The following SUPT3H variants were observed in gnomAD, a reference collection of about 807,000 sequenced individuals.
SUPT3H encodes SPT3 homolog, SAGA and STAGA complex component.
In SUPT3H, 44 loss-of-function variants were observed where a neutral mutation model predicts 44.3. That is an observed-to-expected ratio of 0.99 (90% CI 0.78 to 1.28). The LOEUF is 1.28. Ranked by LOEUF, SUPT3H falls within the 50% of genes most tolerant of loss-of-function variation. The pLI, the probability that SUPT3H is intolerant of heterozygous loss-of-function variation, is 0.00. For synonymous variants in SUPT3H, 124 were observed against 125.6 expected (o/e 0.99, Z 0.09); for missense variants, 380 against 387.1 (o/e 0.98, Z 0.15).
chr6:45,129,048 C>A (rs537967727), intron 2 of SUPT3H, among the ~76,000 whole-genome samples: 1 of 152,180 alleles, frequency 6.6e-6, no homozygotes, highest in South Asian at 2.1e-4. Flanking sequence ...ATTAACTTGT[C>A]CAATAAGCAA....
At chr6:45,241,160 T>C (rs1287361316) in intron 2 of SUPT3H, among the ~76,000 whole-genome samples, 3 of 152,162 alleles carry the variant, frequency 2.0e-5, no homozygotes, top group African/African-American at 4.8e-5. Context: ...GCTGCCTTTG[T>C]TTTTATCACT....
intron 2 of SUPT3H, among the ~76,000 whole-genome samples, chr6:45,290,621 A>T (rs1261649134): frequency 2.0e-5 from 3 of 152,176 alleles, no homozygotes; most frequent in Admixed American, 1.3e-4. Context: ...AAATATTTTT[A>T]AAAAACTAAA....
chr6:44,828,374 A>T lies in SUPT3H; in HGVS notation c.*1442T>A, dbSNP rs995312233. ...CGTGCTTTTTGTTTCTGAAATGCAA[A>T]TTTTTTCTAAAAAGATTAACATAGA... On this transcript the variant is annotated 3_prime_UTR_variant, in exon 11 of 11. Coordinates refer to ENST00000371459, the MANE Select transcript of SUPT3H (RefSeq NM_003599.4). Among the ~76,000 whole-genome samples, 14 of 152,122 alleles carry T rather than the reference A, an allele frequency of 9.2e-5. No homozygotes were observed. Among genetic ancestry groups the T allele is most frequent in the African/African-American group, 3.1e-4 (13 of 41,434 alleles).
chr6:45,322,851 C>CAG, intron 2 of SUPT3H: 1 of 1,569,842 alleles, frequency 6.4e-7, no homozygotes, highest in Non-Finnish European at 8.8e-7. Context: ...CATCCAAAAG[C>CAG]AGTGGCACTG....
At chr6:44,963,098 A>C (rs931255260) in intron 6 of SUPT3H, among the ~76,000 whole-genome samples, 4 of 151,442 alleles carry the variant, frequency 2.6e-5, no homozygotes, top group African/African-American at 9.7e-5. Flanking sequence ...TAAATATATA[A>C]ATTATATATG....
At chr6:45,210,925 AAG>A (rs1437319164) in intron 2 of SUPT3H, among the ~76,000 whole-genome samples, 2 of 152,178 alleles carry the variant, frequency 1.3e-5, no homozygotes, top group African/African-American at 4.8e-5. Flanking sequence ...AAGAATGGAA[AAG>A]AGAAGAAAAG....
intron 11 of SUPT3H, among the ~76,000 whole-genome samples, chr6:44,816,491 T>A (rs186471763): frequency 1.3e-5 from 2 of 152,300 alleles, no homozygotes; most frequent in African/African-American, 4.8e-5. Flanking sequence ...ATATTATTCA[T>A]AGCTAAAAGC....
intron 2 of SUPT3H, among the ~76,000 whole-genome samples, chr6:45,205,485 T>C (rs1763083298): frequency 6.6e-6 from 1 of 152,044 alleles, no homozygotes; most frequent in African/African-American, 2.4e-5. Context: ...ATGCAATTCA[T>C]AGATAAGAAA....
chr6:45,128,800 C>T (rs1802954793), intron 2 of SUPT3H, among the ~76,000 whole-genome samples: 1 of 151,046 alleles, frequency 6.6e-6, no homozygotes, highest in African/African-American at 2.4e-5. Context: ...ATTCTCCTGT[C>T]TCAGCCTCCT....
intron 2 of SUPT3H, among the ~76,000 whole-genome samples, chr6:45,332,720 G>A (rs1377348362): frequency 6.6e-6 from 1 of 151,584 alleles, no homozygotes; most frequent in Non-Finnish European, 1.5e-5. Context: ...ATAAAAACAT[G>A]TGACCAAATA....
chr6:44,878,443 C>A (rs1336204444), intron 10 of SUPT3H, among the ~76,000 whole-genome samples: 1 of 151,580 alleles, frequency 6.6e-6, no homozygotes, highest in East Asian at 1.9e-4. Context: ...TGGGCTTGCA[C>A]TAAAGCCTTT....
intron 10 of SUPT3H, among the ~76,000 whole-genome samples, chr6:44,853,855 C>T (rs1177145423): frequency 6.6e-6 from 1 of 151,842 alleles, no homozygotes; most frequent in Non-Finnish European, 1.5e-5. Flanking sequence ...AGTTCTCTTC[C>T]TGATAAAAAT....
intron 10 of SUPT3H, among the ~76,000 whole-genome samples, chr6:44,886,455 C>A (rs1762310237): frequency 6.6e-6 from 1 of 152,284 alleles, no homozygotes; most frequent in South Asian, 2.1e-4. Flanking sequence ...AGAGTGGGGG[C>A]TAATATTCAA....
chr6:45,094,746 A>T (rs574271269), intron 3 of SUPT3H, among the ~76,000 whole-genome samples: 2 of 152,124 alleles, frequency 1.3e-5, no homozygotes, highest in Non-Finnish European at 2.9e-5. Flanking sequence ...AGAAAATAAG[A>T]CTAATTTAAG....
chr6:44,961,694 T>C, intron 7 of SUPT3H, 59 bp downstream of exon 7: 4 of 1,312,760 alleles, frequency 3.0e-6, no homozygotes, highest in Non-Finnish European at 4.3e-6. Context: ...CATACTTTAG[T>C]ACATCTATAA....
intron 2 of SUPT3H, among the ~76,000 whole-genome samples, chr6:45,260,224 A>G (rs1413480494): frequency 6.6e-6 from 1 of 152,212 alleles, no homozygotes; most frequent in African/African-American, 2.4e-5. Context: ...AATAAACTAC[A>G]TTCTACGCAG....
chr6:44,936,126 A>G lies in SUPT3H; in HGVS notation c.802-3363T>C, dbSNP rs187549093. The stretch of plus-strand genomic sequence containing the variant: ...CTATTACTAACATTTTGCAGACCAC[A>G]AAAGTTGATATGATCTGGCCAAGGA... On this transcript the variant is annotated intron_variant, in intron 9 of 10. Coordinates refer to ENST00000371459, the MANE Select transcript of SUPT3H (RefSeq NM_003599.4). 3.1e-3 allele frequency among the ~76,000 whole-genome samples: 470 copies of G among 152,352 alleles called. 2 individuals are homozygous for G. Among genetic ancestry groups the G allele is most frequent in the African/African-American group, 8.3e-3 (347 of 41,576 alleles).
chr6:45,059,708 CT>C (rs1562360958), intron 3 of SUPT3H, among the ~76,000 whole-genome samples: 1 of 152,012 alleles, frequency 6.6e-6, no homozygotes, highest in Non-Finnish European at 1.5e-5. Flanking sequence ...AGTTCAAAAG[CT>C]TCTTAAACTG....
chr6:45,104,147 G>A (rs979660164), intron 3 of SUPT3H, among the ~76,000 whole-genome samples: 2 of 151,996 alleles, frequency 1.3e-5, no homozygotes, highest in African/African-American at 4.8e-5. Flanking sequence ...TAATGAGCAT[G>A]GGAAATGGTA....
Sources: gnomAD v4.1 joint callset for allele counts (sites outside exome capture counted in the v4.1 genomes callset) on GRCh38, gnomAD v4.1.1 for gene constraint, MANE v1.5 for transcripts, NCBI Gene and HGNC (gene_info 2026-07-23, HGNC 2026-07-21) for gene names.